DOCK7: variants seen among roughly 807,000 people sequenced by gnomAD.
DOCK7 encodes the protein dedicator of cytokinesis 7, also known as dedicator of cytokinesis protein 7.
Under a neutral mutation model 271.0 loss-of-function variants are expected in DOCK7, and 138 were observed. The observed-to-expected ratio is 0.51, with a 90% CI of 0.44 to 0.59. The LOEUF (loss-of-function observed/expected upper bound fraction) is 0.59. Ranked by LOEUF, DOCK7 falls within the 20% of genes least tolerant of loss-of-function variation. The probability of loss-of-function intolerance (pLI) is 0.00; values close to 1 mark genes in which losing one functional copy is unlikely to be tolerated. For missense variants in DOCK7, 2,066 were observed against 2,592.4 expected (o/e 0.80, Z 4.41); for synonymous variants, 823 against 876.1 (o/e 0.94, Z 1.07).
At position 62,488,141 on chromosome 1, in the gene DOCK7, C is replaced by G. The variant is rs897684472; in HGVS notation, c.5494-729G>C. 1.1e-4 allele frequency: 17 copies of G among 152,456 alleles called. 1 individual carries two copies. Among genetic ancestry groups the G allele is most frequent in the African/African-American group, 3.9e-4 (16 of 41,526 alleles). The allele number at this position is 152,456 out of a possible 1,614,324, so 9.4% of individuals were successfully genotyped here. A position where few individuals can be genotyped will look rare whatever the true frequency, so the allele number is the denominator to read the frequency against. ...GAATACAAAAGTGGATAGTCATACT[C>G]CAACTCCTTTGACACTAGCAGCAGT... is the stretch of plus-strand genomic sequence containing the variant. On this transcript the variant is annotated intron_variant, in intron 42 of 49. Transcript: ENST00000635253.
Position 62,529,465 on chromosome 1 carries a change from A to G in DOCK7, c.3612-19T>C. 6.3e-7 allele frequency: 1 copy of G among 1,583,852 alleles called. No homozygotes were observed. The highest frequency in any genetic ancestry group is 8.6e-7 in the Non-Finnish European group (1 of 1,165,564). On this transcript the variant is annotated intron_variant, in intron 29 of 49. Transcript: ENST00000635253. ...AAACAGTCTATTTAAAAAGAAGAAG[A>G]CAAAGAAGAAAAAGCAGTAAGGCCA... is the stretch of plus-strand genomic sequence containing the variant.
rs923764991 is a variant in DOCK7 at position 62,648,111 on chromosome 1, C to G, written c.727G>C (p.Asp243His). The change falls in exon 6 of 50, where the codon GAT becomes CAT. Residue 243 changes from aspartate to histidine, a missense_variant. By Grantham distance (81) the Asp-to-His change is moderately conservative. This residue lies in a region of DOCK7 where 1,414 missense variants were observed against 1,670.4 expected (regional missense o/e 0.85). Coordinates refer to ENST00000635253, the MANE Select transcript of DOCK7 (RefSeq NM_001367561.1). Reference protein sequence around the residue: ...KELFALHPSPDEEEPIERLSV... With the variant: ...KELFALHPSPHEEEPIERLSV... Reference sequence around the variant, plus strand: ...TTATATGCAAACATCTATACCTCATCTGGTGATGGATGCAAAGCAAAAAGT... The same window carrying G: ...TTATATGCAAACATCTATACCTCATGTGGTGATGGATGCAAAGCAAAAAGT... 4 of 1,612,440 alleles carry G rather than the reference C, an allele frequency of 2.5e-6. No individual in the cohort carries two copies. In the African/African-American group the frequency reaches 5.3e-5, roughly 22 times the overall value.
At chr1:62,591,022 A>C (rs975324420) in intron 14 of DOCK7, among the ~76,000 whole-genome samples, 1 of 152,202 alleles carries the variant, frequency 6.6e-6, no homozygotes, top group Admixed American at 6.5e-5. Context: ...TCATGCTACT[A>C]TAAAGACATA....
intron 34 of DOCK7, 71 bp from the exon 35 acceptor site, chr1:62,508,129 G>A: frequency 1.5e-6 from 2 of 1,305,516 alleles, no homozygotes; most frequent in South Asian, 1.5e-5. Flanking sequence ...ACTTAAGGAT[G>A]CATAGAAATA....
At chr1:62,659,613 A>T (rs1282629096) in intron 2 of DOCK7, among the ~76,000 whole-genome samples, 9 of 152,206 alleles carry the variant, frequency 5.9e-5, no homozygotes, top group Non-Finnish European at 1.0e-4. Context: ...AGAGATTAGC[A>T]GAAAGGACTT....
intron 1 of DOCK7, among the ~76,000 whole-genome samples, chr1:62,683,882 G>GTA (rs908810521): frequency 2.0e-5 from 3 of 151,790 alleles, no homozygotes; most frequent in African/African-American, 7.3e-5. Flanking sequence ...AGCCAAGACT[G>GTA]TACCACTGCG....
At chr1:62,576,496 A>G (rs1013927005) in intron 18 of DOCK7, among the ~76,000 whole-genome samples, 4 of 152,248 alleles carry the variant, frequency 2.6e-5, no homozygotes, top group Non-Finnish European at 5.9e-5. Context: ...ATAAGATCAG[A>G]GCAATAGCCT....
chr1:62,637,150 T>C (rs866453748), intron 7 of DOCK7, among the ~76,000 whole-genome samples: 1 of 152,324 alleles, frequency 6.6e-6, no homozygotes, highest in Middle Eastern at 3.4e-3. Flanking sequence ...ATACATAATT[T>C]GTAGTCTGCT....
At chr1:62,540,920 GA>G (rs1285540806) in intron 25 of DOCK7, among the ~76,000 whole-genome samples, 1 of 151,984 alleles carries the variant, frequency 6.6e-6, no homozygotes, top group African/African-American at 2.4e-5. Flanking sequence ...TATTTTCTAG[GA>G]AAAAAATGAA....
Position 62,559,055 on chromosome 1 carries a change from G to C in DOCK7, c.2365C>G (p.Leu789Val). ...ATCAGTTTATCTAGCAGAAGATGAA[G>C]AAATCGGACCACTGGTTCCAGCTGG... is the stretch of plus-strand genomic sequence containing the variant. ...SSQLEPVVRFLHLLLDKLILL... is the reference protein window; with the variant it reads ...SSQLEPVVRFVHLLLDKLILL... The change falls in exon 20 of 50, where the codon CTT becomes GTT. Residue 789 changes from leucine to valine, a missense_variant. Around this residue, in one of 2 missense-constraint regions of DOCK7, gnomAD observed 1,414 missense variants for 1,670.4 expected, o/e 0.85. Coordinates refer to ENST00000635253, the MANE Select transcript of DOCK7 (RefSeq NM_001367561.1). The C allele has an allele frequency of 1.2e-6, 2 of 1,613,830 alleles. No individual in the cohort carries two copies. Among genetic ancestry groups the C allele is most frequent in the Non-Finnish European group, 1.7e-6 (2 of 1,179,876 alleles).
At chr1:62,556,887 C>T (rs1293429971) in intron 20 of DOCK7, among the ~76,000 whole-genome samples, 7 of 152,044 alleles carry the variant, frequency 4.6e-5, no homozygotes, top group African/African-American at 1.2e-4. Context: ...CGAAGTTAAG[C>T]GATCCTACCT....
At chr1:62,614,503 C>T (rs896257409) in intron 14 of DOCK7, among the ~76,000 whole-genome samples, 2 of 151,904 alleles carry the variant, frequency 1.3e-5, no homozygotes, top group African/African-American at 2.4e-5. Flanking sequence ...CTGATAATCT[C>T]CCTTTTAAAA....
Position 62,524,763 on chromosome 1 carries a change from T to C in DOCK7, c.3936+3388A>G, listed in dbSNP as rs181386539. Among the ~76,000 whole-genome samples, 698 of 150,892 alleles carry C rather than the reference T, an allele frequency of 4.6e-3. 6 individuals carry two copies. The highest frequency in any genetic ancestry group is 0.012 in the Admixed American group (182 of 15,158). ...AAATACAAAAATTAGCCAGGCATGATGGCAGTCATCTGTAATCCCAGCTAC... is the reference window on the plus strand; with the variant it reads ...AAATACAAAAATTAGCCAGGCATGACGGCAGTCATCTGTAATCCCAGCTAC... On this transcript the variant is annotated intron_variant, in intron 31 of 49. Coordinates refer to ENST00000635253, the MANE Select transcript of DOCK7 (RefSeq NM_001367561.1).
rs555868501 is a variant in DOCK7 at position 62,560,134 on chromosome 1, A to C, written c.2200-914T>G. Among the ~76,000 whole-genome samples the C allele has an allele frequency of 1.2e-4, 19 of 152,064 alleles. No individual in the cohort carries two copies. The East Asian group carries it at 3.7e-3, about 29-fold the overall frequency. ...TTTCCCTTTGTGAATTCTGCTTTCC[A>C]TTCTTTCACTAAAATAAATCATAGC... On this transcript the variant is annotated intron_variant, in intron 19 of 49. Coordinates refer to ENST00000635253, the MANE Select transcript of DOCK7 (RefSeq NM_001367561.1).
intron 48 of DOCK7, among the ~76,000 whole-genome samples, chr1:62,462,166 A>G (rs1317901298): frequency 1.3e-5 from 2 of 152,304 alleles, no homozygotes; most frequent in East Asian, 3.9e-4. Flanking sequence ...TTTAAATAGT[A>G]TTAAGAAAAC....
chr1:62,541,651 A>G (rs1240003421), intron 25 of DOCK7, among the ~76,000 whole-genome samples: 1 of 152,184 alleles, frequency 6.6e-6, no homozygotes, highest in Non-Finnish European at 1.5e-5. Flanking sequence ...TGAATAACAT[A>G]CAAAATATGA....
intron 1 of DOCK7, among the ~76,000 whole-genome samples, chr1:62,670,432 T>C (rs1571968963): frequency 1.3e-5 from 2 of 152,160 alleles, no homozygotes; most frequent in Admixed American, 1.3e-4. Flanking sequence ...TGTGTTTAGC[T>C]CAAGGTTTGT....
intron 14 of DOCK7, chr1:62,597,772 A>G: frequency 6.2e-7 from 1 of 1,613,596 alleles, no homozygotes; most frequent in Non-Finnish European, 8.5e-7. Context: ...GGCCAAATTA[A>G]TGACATATTT....
intron 31 of DOCK7, among the ~76,000 whole-genome samples, chr1:62,522,961 A>G (rs1231333021): frequency 6.6e-6 from 1 of 152,188 alleles, no homozygotes; most frequent in Non-Finnish European, 1.5e-5. Flanking sequence ...GAACATTAAA[A>G]AATATCAAGC....
Sources: gnomAD v4.1 joint callset for allele counts (sites outside exome capture counted in the v4.1 genomes callset) on GRCh38, gnomAD v4.1.1 for gene constraint, gnomAD v4.1.1 regional missense constraint, MANE v1.5 for transcripts, NCBI Gene and HGNC (gene_info 2026-07-23, HGNC 2026-07-21) for gene names.